SHISA6: variants seen among roughly 807,000 people sequenced by gnomAD.
The protein encoded by SHISA6 is shisa family member 6, also known as protein shisa-6.
Under a neutral mutation model 47.9 loss-of-function variants are expected in SHISA6, and 22 were observed. That is an observed-to-expected ratio of 0.46 (90% CI 0.33 to 0.66). The LOEUF (loss-of-function observed/expected upper bound fraction) is 0.66. Ranked by LOEUF, SHISA6 falls within the 30% of genes least tolerant of loss-of-function variation. The probability of loss-of-function intolerance (pLI) is 0.02; values close to 1 mark genes in which losing one functional copy is unlikely to be tolerated. For missense variants in SHISA6, 680 were observed against 764.6 expected, an observed-to-expected ratio of 0.89 and a Z score of 1.30; for synonymous variants, 388 against 337.8, an observed-to-expected ratio of 1.15 and a Z score of -1.63.
chr17:11,340,885 A>G (rs1345137830), intron 2 of SHISA6, among the ~76,000 whole-genome samples: 2 of 152,248 alleles, frequency 1.3e-5, no homozygotes, highest in Non-Finnish European at 2.9e-5. Context: ...CAAGAAAGGA[A>G]GACAAGAAAG....
intron 2 of SHISA6, among the ~76,000 whole-genome samples, chr17:11,285,361 G>C (rs562916074): frequency 2.6e-5 from 4 of 152,252 alleles, no homozygotes; most frequent in African/African-American, 9.6e-5. Flanking sequence ...CTTCCCTTCA[G>C]CTTGTTGCAA....
intron 3 of SHISA6, among the ~76,000 whole-genome samples, chr17:11,535,413 T>C (rs1221724241): frequency 6.6e-6 from 1 of 152,164 alleles, no homozygotes; most frequent in African/African-American, 2.4e-5. Flanking sequence ...AGGGCTACAA[T>C]GTGAAGCTAC....
intron 3 of SHISA6, among the ~76,000 whole-genome samples, chr17:11,420,121 T>C (rs11651541): frequency 0.19 from 28,357 of 152,096 alleles, 3,069 homozygotes; most frequent in South Asian, 0.36. Context: ...GGAGAATCAC[T>C]TGAACCCAGA....
chr17:11,297,177 G>A (rs577941309), intron 2 of SHISA6, among the ~76,000 whole-genome samples: 1 of 152,272 alleles, frequency 6.6e-6, no homozygotes, highest in Non-Finnish European at 1.5e-5. Flanking sequence ...CAGATCATGC[G>A]TGTTTGCCAT....
chr17:11,448,392 G>A (rs940692054), intron 3 of SHISA6, among the ~76,000 whole-genome samples: 3 of 151,938 alleles, frequency 2.0e-5, no homozygotes, highest in Admixed American at 1.3e-4. Context: ...GCCGGGCGTG[G>A]TGGTGGCATG....
intron 2 of SHISA6, among the ~76,000 whole-genome samples, chr17:11,283,628 C>T (rs752446936): frequency 1.2e-4 from 18 of 152,126 alleles, no homozygotes; most frequent in Non-Finnish European, 2.2e-4. Context: ...TATATATAAC[C>T]CTAGCACCAT....
chr17:11,496,567 A>G (rs961027970), intron 3 of SHISA6, among the ~76,000 whole-genome samples: 6 of 151,898 alleles, frequency 4.0e-5, no homozygotes, highest in African/African-American at 1.2e-4. Flanking sequence ...GTGAAACCCC[A>G]TCTCTACTAA....
At chr17:11,545,131 G>A (rs2071873050) in intron 3 of SHISA6, among the ~76,000 whole-genome samples, 1 of 146,560 alleles carries the variant, frequency 6.8e-6, no homozygotes, top group Non-Finnish European at 1.5e-5. Flanking sequence ...CAACCCATAT[G>A]CCTTTCAACA....
chr17:11,386,158 C>T (rs962024008), intron 3 of SHISA6, among the ~76,000 whole-genome samples: 1 of 152,060 alleles, frequency 6.6e-6, no homozygotes, highest in Non-Finnish European at 1.5e-5. Flanking sequence ...GGCAGATCAC[C>T]TGAGGTCAAG....
chr17:11,284,302 A>G (rs1482926762), intron 2 of SHISA6, among the ~76,000 whole-genome samples: 1 of 152,184 alleles, frequency 6.6e-6, no homozygotes, highest in African/African-American at 2.4e-5. Context: ...TTGCTCAGCA[A>G]CACCTTCAGA....
chr17:11,540,557 T>C (rs2071825074), intron 3 of SHISA6, among the ~76,000 whole-genome samples: 1 of 151,990 alleles, frequency 6.6e-6, no homozygotes, highest in Admixed American at 6.6e-5. Context: ...CTCTTGGGGG[T>C]TCCATACATC....
Position 11,505,233 on chromosome 17 carries a change from G to A in SHISA6, c.896-46663G>A, listed in dbSNP as rs150041635. Among the ~76,000 whole-genome samples, 202 of 152,308 alleles carry A rather than the reference G, an allele frequency of 1.3e-3. 1 individual carries two copies. The highest frequency in any genetic ancestry group is 2.0e-3 in the Non-Finnish European group (139 of 68,034). ...TAATTATTACCTCTCCTCTAAGTAG[G>A]AGGTGGAAGTATGGCTTATCTCCCA... On this transcript the variant is annotated intron_variant, in intron 3 of 5. Coordinates refer to ENST00000441885, the MANE Select transcript of SHISA6 (RefSeq NM_207386.4).
At chr17:11,300,780 A>G (rs1472176132) in intron 2 of SHISA6, among the ~76,000 whole-genome samples, 2 of 151,236 alleles carry the variant, frequency 1.3e-5, no homozygotes, top group African/African-American at 4.9e-5. Context: ...CATACTGGCC[A>G]GGAACCTGGC....
chr17:11,390,395 A>G (rs571986782), intron 3 of SHISA6, among the ~76,000 whole-genome samples: 1 of 152,144 alleles, frequency 6.6e-6, no homozygotes, highest in Non-Finnish European at 1.5e-5. Flanking sequence ...GTAGCCCTTC[A>G]TGTTGTTGGA....
intron 1 of SHISA6, among the ~76,000 whole-genome samples, chr17:11,248,052 G>A (rs1436839891): frequency 6.6e-6 from 1 of 152,124 alleles, no homozygotes; most frequent in Non-Finnish European, 1.5e-5. Context: ...GGGATTACAG[G>A]TGTGAGACAC....
At chr17:11,345,814 C>T (rs903660676) in intron 2 of SHISA6, among the ~76,000 whole-genome samples, 2 of 152,008 alleles carry the variant, frequency 1.3e-5, no homozygotes, top group Non-Finnish European at 2.9e-5. Flanking sequence ...GATCTTGTAT[C>T]CTGAAACTTG....
chr17:11,273,915 C>T (rs76068030), intron 2 of SHISA6, among the ~76,000 whole-genome samples: 5 of 10,688 alleles, frequency 4.7e-4, no homozygotes, highest in East Asian at 0.042. Context: ...TGCGAGGAAG[C>T]GCATCATTTT....
chr17:11,344,779 C>A (rs1442504258), intron 2 of SHISA6, among the ~76,000 whole-genome samples: 2 of 152,118 alleles, frequency 1.3e-5, no homozygotes, highest in East Asian at 3.8e-4. Flanking sequence ...TATTTATTTG[C>A]ATTGGGAACC....
chr17:11,327,396 A>G (rs1910933302), intron 2 of SHISA6, among the ~76,000 whole-genome samples: 1 of 152,228 alleles, frequency 6.6e-6, no homozygotes, highest in Non-Finnish European at 1.5e-5. Context: ...AGAGGGTGGA[A>G]CCAAAATATT....
Sources: gnomAD v4.1 joint callset for allele counts (sites outside exome capture counted in the v4.1 genomes callset) on GRCh38, gnomAD v4.1.1 for gene constraint, MANE v1.5 for transcripts, NCBI Gene and HGNC (gene_info 2026-07-23, HGNC 2026-07-21) for gene names.